The following MEIKIN variants were observed in gnomAD, a reference collection of about 807,000 sequenced individuals.
The protein encoded by MEIKIN is meiosis-specific kinetochore protein.
intron 5 of MEIKIN, among the ~76,000 whole-genome samples, chr5:131,925,348 A>G (rs933192655): frequency 1.3e-5 from 2 of 152,184 alleles, no homozygotes; most frequent in African/African-American, 4.8e-5. Context: ...GATTGCATCA[A>G]ATTTGTAGAC....
intron 8 of MEIKIN, among the ~76,000 whole-genome samples, chr5:131,905,667 G>C (rs1656475867): frequency 6.6e-6 from 1 of 152,012 alleles, no homozygotes; most frequent in Non-Finnish European, 1.5e-5. Flanking sequence ...ATGCACACAA[G>C]CTAGAAAACC....
intron 11 of MEIKIN, among the ~76,000 whole-genome samples, chr5:131,838,202 C>T (rs571321482): frequency 6.6e-5 from 10 of 152,194 alleles, no homozygotes; most frequent in Admixed American, 1.3e-4. Context: ...GGGATAAAGC[C>T]TACTTAATTG....
intron 8 of MEIKIN, among the ~76,000 whole-genome samples, chr5:131,901,187 C>T (rs1011279302): frequency 3.3e-5 from 5 of 152,138 alleles, no homozygotes; most frequent in African/African-American, 7.2e-5. Flanking sequence ...GCACAGATGG[C>T]GTCAGTCCCA....
intron 8 of MEIKIN, among the ~76,000 whole-genome samples, chr5:131,905,933 T>C (rs927573500): frequency 6.6e-6 from 1 of 151,786 alleles, no homozygotes; most frequent in Admixed American, 6.6e-5. Context: ...CCCTGGAAAA[T>C]AACCTAGGAA....
At chr5:131,944,903 A>AG in intron 2 of MEIKIN, 151 bp from the exon 3 acceptor site, 1 of 398,126 alleles carries the variant, frequency 2.5e-6, no homozygotes, top group Non-Finnish European at 4.4e-6. Context: ...ACCCAAATGC[A>AG]GTGACACAAT....
intron 11 of MEIKIN, among the ~76,000 whole-genome samples, chr5:131,819,862 G>T (rs1749456502): frequency 7.8e-6 from 1 of 127,656 alleles, no homozygotes; most frequent in Admixed American, 9.0e-5. Context: ...TGCAAGCTCC[G>T]CCTCCCGGGT....
intron 4 of MEIKIN, among the ~76,000 whole-genome samples, chr5:131,937,287 G>T (rs1056787748): frequency 6.6e-6 from 1 of 152,146 alleles, no homozygotes; most frequent in Non-Finnish European, 1.5e-5. Context: ...AGAATTCTAG[G>T]TTAGTATATT....
At chr5:131,840,246 C>G (rs1365151783) in intron 11 of MEIKIN, among the ~76,000 whole-genome samples, 7 of 152,176 alleles carry the variant, frequency 4.6e-5, no homozygotes, top group Admixed American at 1.3e-4. Flanking sequence ...GACTAACGGC[C>G]TTCCCTTTGT....
chr5:131,886,436 C>A (rs759324517), intron 8 of MEIKIN, among the ~76,000 whole-genome samples: 3 of 152,130 alleles, frequency 2.0e-5, no homozygotes, highest in Non-Finnish European at 4.4e-5. Flanking sequence ...ACACAACATA[C>A]AATGGAGCTT....
chr5:131,892,354 A>T (rs1448998929), intron 8 of MEIKIN, among the ~76,000 whole-genome samples: 2 of 152,152 alleles, frequency 1.3e-5, no homozygotes, highest in Non-Finnish European at 2.9e-5. Flanking sequence ...CAGGTACACC[A>T]ATCAGACGTA....
intron 8 of MEIKIN, among the ~76,000 whole-genome samples, chr5:131,882,978 C>G (rs952238715): frequency 1.3e-5 from 2 of 152,186 alleles, no homozygotes; most frequent in African/African-American, 2.4e-5. Context: ...CTAGTTACAC[C>G]TCTTTACCCT....
chr5:131,940,150 G>C (rs1039996946), intron 4 of MEIKIN, among the ~76,000 whole-genome samples: 4 of 152,150 alleles, frequency 2.6e-5, no homozygotes, highest in Non-Finnish European at 5.9e-5. Flanking sequence ...TACCAGGGTA[G>C]AACAAGTCAC....
At chr5:131,885,359 G>GAGAGAA (rs1561743942) in intron 8 of MEIKIN, among the ~76,000 whole-genome samples, 5 of 17,322 alleles carry the variant, frequency 2.9e-4, no homozygotes, top group Non-Finnish European at 4.5e-4. Context: ...GAGAGAGAGA[G>GAGAGAA]AGAGAGAGAG....
chr5:131,893,159 G>A (rs1047595583), intron 8 of MEIKIN, among the ~76,000 whole-genome samples: 20 of 148,974 alleles, frequency 1.3e-4, no homozygotes, highest in East Asian at 5.9e-4. Flanking sequence ...TTACTGCTGC[G>A]TTTTGTTTGT....
At chr5:131,860,081 C>G (rs1347299070) in intron 9 of MEIKIN, among the ~76,000 whole-genome samples, 19 of 152,018 alleles carry the variant, frequency 1.2e-4, no homozygotes, top group Admixed American at 1.2e-3. Flanking sequence ...TTTTCTAGTT[C>G]TGTGAAAAAC....
chr5:131,848,272 C>G (rs1170332867), intron 11 of MEIKIN, among the ~76,000 whole-genome samples: 1 of 151,778 alleles, frequency 6.6e-6, no homozygotes, highest in African/African-American at 2.4e-5. Flanking sequence ...AACTGGCAAA[C>G]CTTTAATGAA....
chr5:131,935,008 A>G (rs1751750432), intron 4 of MEIKIN, among the ~76,000 whole-genome samples: 1 of 151,838 alleles, frequency 6.6e-6, no homozygotes, highest in Non-Finnish European at 1.5e-5. Context: ...GTGAATCAAG[A>G]TCAAGATCGG....
At chr5:131,917,554 A>C (rs1387802388) in intron 6 of MEIKIN, among the ~76,000 whole-genome samples, 2 of 134,638 alleles carry the variant, frequency 1.5e-5, no homozygotes, top group African/African-American at 5.9e-5. Context: ...CAAGAGTGAT[A>C]CTCCATCTCA....
At chr5:131,824,091 A>C (rs1580859949) in intron 11 of MEIKIN, among the ~76,000 whole-genome samples, 1 of 152,318 alleles carries the variant, frequency 6.6e-6, no homozygotes, top group East Asian at 1.9e-4. Context: ...ACCACCACCA[A>C]TGGGACTAAG....
Sources: gnomAD v4.1 joint callset for allele counts (sites outside exome capture counted in the v4.1 genomes callset) on GRCh38, gnomAD v4.1.1 for gene constraint, MANE v1.5 for transcripts, NCBI Gene and HGNC (gene_info 2026-07-23, HGNC 2026-07-21) for gene names.